VAC14: variants seen among roughly 807,000 people sequenced by gnomAD.
VAC14 encodes the protein VAC14 component of PIKFYVE complex, also known as protein VAC14 homolog.
VAC14 carries 47 observed loss-of-function variants against 85.3 expected under a neutral mutation model. The ratio of observed to expected loss-of-function variants is 0.55; its 90% confidence interval spans 0.44 to 0.70. The LOEUF is 0.70. Ranked by LOEUF, VAC14 falls within the 30% of genes least tolerant of loss-of-function variation. VAC14 has a pLI of 0.00. For synonymous variants in VAC14, 447 were observed against 430.5 expected, an observed-to-expected ratio of 1.04 and a Z score of -0.47; for missense variants, 861 against 1,004.3, an observed-to-expected ratio of 0.86 and a Z score of 1.93.
chr16:70,770,203 T>G (rs1019745533), intron 10 of VAC14: 1 of 152,222 alleles, frequency 6.6e-6, no homozygotes, highest in African/African-American at 2.4e-5. Flanking sequence ...TAGAAGGCAG[T>G]CTTTCCCTCA....
chr16:70,743,458 C>T (rs974654767), intron 13 of VAC14, among the ~76,000 whole-genome samples: 2 of 152,236 alleles, frequency 1.3e-5, no homozygotes, highest in Non-Finnish European at 2.9e-5. Context: ...CTGCTGCTCA[C>T]TCTTTGAGTC....
intron 1 of VAC14, among the ~76,000 whole-genome samples, chr16:70,800,567 C>A (rs2034742925): frequency 6.6e-6 from 1 of 152,236 alleles, no homozygotes; most frequent in African/African-American, 2.4e-5. Context: ...ATTCTCACTG[C>A]AGCCCTTTGT....
At chr16:70,774,691 A>C (rs546483499) in intron 9 of VAC14, among the ~76,000 whole-genome samples, 62 of 150,864 alleles carry the variant, frequency 4.1e-4, no homozygotes, top group African/African-American at 1.3e-3. Flanking sequence ...TTATTGACTA[A>C]AATTTTCTTT....
chr16:70,791,042 G>C (rs1006832270), intron 1 of VAC14, among the ~76,000 whole-genome samples: 2 of 152,148 alleles, frequency 1.3e-5, no homozygotes, highest in Non-Finnish European at 2.9e-5. Context: ...TCTGACACTT[G>C]GGGCAAGCAA....
chr16:70,725,317 G>T (rs1015426601), intron 14 of VAC14, among the ~76,000 whole-genome samples: 3 of 152,220 alleles, frequency 2.0e-5, no homozygotes, highest in Admixed American at 6.5e-5. Context: ...TGGTGCAGAC[G>T]GCCGGTGGCC....
Position 70,783,135 on chromosome 16 carries a change from C to T in VAC14, c.709G>A (p.Glu237Lys), listed in dbSNP as rs772499079. The stretch of plus-strand genomic sequence containing the variant: ...TTTAAGAATTCTCCAAGAACAACCT[C>T]ACACCTATGAACAAGAACAGGAAAG... ...DNGKEIRKMC[E>K]VVLGEFLKEI... Residue 237 changes from glutamate (E) to lysine (K), a missense_variant, in exon 7 of 19, where the codon GAG becomes AAG. By Grantham distance (56) the Glu-to-Lys change is moderately conservative (BLOSUM62 1). Transcript: ENST00000261776. The T allele has an allele frequency of 5.0e-6, 8 of 1,613,780 alleles. No individual in the cohort carries two copies. Among genetic ancestry groups the T allele is most frequent in the Non-Finnish European group, 5.9e-6 (7 of 1,179,860 alleles).
At chr16:70,760,976 T>G (rs1277665113) in intron 12 of VAC14, among the ~76,000 whole-genome samples, 1 of 99,124 alleles carries the variant, frequency 1.0e-5, no homozygotes, top group African/African-American at 5.8e-5. Context: ...TGTGTGTGTG[T>G]GTGTGTGTGT....
chr16:70,745,441 AG>A (rs1447672805), intron 12 of VAC14, among the ~76,000 whole-genome samples: 11 of 151,998 alleles, frequency 7.2e-5, no homozygotes, highest in African/African-American at 2.7e-4. Flanking sequence ...AATGGGCAAT[AG>A]GGAGAGGGGC....
chr16:70,699,525 G>C (rs1319594997), intron 14 of VAC14: 1 of 152,242 alleles, frequency 6.6e-6, no homozygotes, highest in African/African-American at 2.4e-5. Context: ...GTCGTTCAGG[G>C]CTAAGGATCG....
At chr16:70,793,931 G>C (rs1239076069) in intron 1 of VAC14, among the ~76,000 whole-genome samples, 3 of 152,198 alleles carry the variant, frequency 2.0e-5, no homozygotes, top group Non-Finnish European at 2.9e-5. Context: ...ACCTAGGAAT[G>C]AACTGATTAG....
At chr16:70,710,854 G>T (rs1331850162) in intron 14 of VAC14, among the ~76,000 whole-genome samples, 1 of 152,238 alleles carries the variant, frequency 6.6e-6, no homozygotes, top group African/African-American at 2.4e-5. Flanking sequence ...CTGTCCTCCT[G>T]GTCATGGGCC....
chr16:70,776,799 T>C (rs2033542225), intron 9 of VAC14, among the ~76,000 whole-genome samples: 1 of 151,722 alleles, frequency 6.6e-6, no homozygotes, highest in Admixed American at 6.6e-5. Context: ...GTGGGTCTTG[T>C]TTAAAAAATT....
chr16:70,786,382 G>C lies in VAC14; in HGVS notation c.105-17C>G, dbSNP rs966529826. 5.0e-6 allele frequency: 8 copies of C among 1,611,014 alleles called. No homozygotes were observed. In the East Asian group the frequency reaches 6.7e-5, roughly 13 times the overall value. Reference sequence around the variant, plus strand: ...CGGACCAGCCTGGAGAGAGAGGAGAGAGGGGCTGTGGGAATCAGGCTACCT... The same window carrying C: ...CGGACCAGCCTGGAGAGAGAGGAGACAGGGGCTGTGGGAATCAGGCTACCT... On this transcript the variant is annotated splice_polypyrimidine_tract_variant and intron_variant, in intron 1 of 18. Transcript: ENST00000261776.
intron 1 of VAC14, among the ~76,000 whole-genome samples, chr16:70,794,159 T>C (rs1031149536): frequency 1.3e-5 from 2 of 152,164 alleles, no homozygotes; most frequent in Non-Finnish European, 2.9e-5. Context: ...TACCATAAAT[T>C]CACTCTTTTA....
chr16:70,734,795 CAA>C (rs11354461), intron 13 of VAC14, among the ~76,000 whole-genome samples: 1,951 of 140,238 alleles, frequency 0.014, 44 homozygotes, highest in African/African-American at 0.047. Context: ...AACAAAGAAA[CAA>C]AAAAAAAAAA....
intron 13 of VAC14, among the ~76,000 whole-genome samples, chr16:70,732,607 G>A (rs906518284): frequency 1.3e-5 from 2 of 151,996 alleles, no homozygotes; most frequent in Non-Finnish European, 2.9e-5. Flanking sequence ...ACCAAGGGAT[G>A]GAAGAGATCC....
intron 1 of VAC14, among the ~76,000 whole-genome samples, chr16:70,798,819 T>C (rs2034651666): frequency 6.6e-6 from 1 of 152,196 alleles, no homozygotes; most frequent in Admixed American, 6.5e-5. Context: ...GCCTGCAATG[T>C]TATTTCCCCA....
intron 13 of VAC14, among the ~76,000 whole-genome samples, chr16:70,743,113 G>A (rs141203548): frequency 6.6e-6 from 1 of 150,896 alleles, no homozygotes; most frequent in Non-Finnish European, 1.5e-5. Context: ...TCAGGACTCT[G>A]TGTCTAGCTA....
intron 14 of VAC14, among the ~76,000 whole-genome samples, chr16:70,701,057 CTG>C (rs2053816371): frequency 6.6e-6 from 1 of 152,174 alleles, no homozygotes; most frequent in African/African-American, 2.4e-5. Flanking sequence ...GGAATGCTGA[CTG>C]TGTTACAGAA....
Sources: allele counts gnomAD v4.1 joint callset (sites outside exome capture counted in the v4.1 genomes callset), GRCh38; gene constraint gnomAD v4.1.1; transcripts MANE v1.5; gene names NCBI Gene and HGNC (gene_info 2026-07-23, HGNC 2026-07-21).